GSAP: variants seen among roughly 807,000 people sequenced by gnomAD.
GSAP encodes gamma-secretase activating protein, also known as gamma-secretase-activating protein.
In GSAP, 118 loss-of-function variants were observed where a neutral mutation model predicts 131.7. That is an observed-to-expected ratio of 0.90 (90% CI 0.77 to 1.04). GSAP has a LOEUF of 1.04. Ranked by LOEUF, GSAP falls within the 50% of genes least tolerant of loss-of-function variation. GSAP has a pLI of 0.00. For synonymous variants in GSAP, 381 were observed against 363.4 expected (o/e 1.05, Z -0.55); for missense variants, 1,019 against 1,013.2 (o/e 1.01, Z -0.08).
chr7:77,375,810 C>T (rs7796618), intron 10 of GSAP, among the ~76,000 whole-genome samples: 28,707 of 149,994 alleles, frequency 0.19, 3,134 homozygotes, highest in African/African-American at 0.3. Context: ...TGCCACTGCA[C>T]TCCAGCCAGG....
intron 19 of GSAP, among the ~76,000 whole-genome samples, chr7:77,336,542 A>G (rs1032187472): frequency 6.6e-6 from 1 of 151,814 alleles, no homozygotes; most frequent in Non-Finnish European, 1.5e-5. Context: ...CTGGAGTGCA[A>G]TGGCGCAATC....
At chr7:77,356,582 A>T (rs1272882389) in intron 14 of GSAP, among the ~76,000 whole-genome samples, 7 of 152,214 alleles carry the variant, frequency 4.6e-5, no homozygotes, top group Admixed American at 4.6e-4. Context: ...CTTGCATATC[A>T]AGCTGACTAG....
In GSAP at chr7:77,323,701, CT is replaced by C. The variant is rs772730295; in HGVS notation, c.1868del (p.Gln623ArgfsTer3). 6.2e-7 allele frequency: 1 copy of C among 1,606,158 alleles called. No individual in the cohort carries two copies. The highest frequency in any genetic ancestry group is 2.2e-5 in the East Asian group (1 of 44,668). On this transcript the variant is annotated frameshift_variant, in exon 24 of 31. Coordinates refer to ENST00000257626, the MANE Select transcript of GSAP (RefSeq NM_017439.4). LOFTEE classifies it high-confidence loss of function. ...ELKDHFLRHLQGVEKKKIEQM... is the reference protein window; with the variant it reads ...ELKDHFLRHLXGVEKKKIEQM... ...GTTCAATTTTCTTCTTTTCTACACC[CT>C]GTAGGTGTCTCAAAAAATGGTCTTT...
Position 77,382,648 on chromosome 7 carries a change from A to C in GSAP, c.457-5T>G, listed in dbSNP as rs762591332. On this transcript the variant is annotated splice_region_variant and splice_polypyrimidine_tract_variant and intron_variant, in intron 6 of 30. Coordinates refer to ENST00000257626, the MANE Select transcript of GSAP (RefSeq NM_017439.4). ...TTCAATATGTGGGTAGAGAAACTGT[A>C]AAAAAGAAATTAATCATAATTGTAA... is the stretch of plus-strand genomic sequence containing the variant. 1.3e-6 allele frequency: 2 copies of C among 1,482,378 alleles called. No individual in the cohort carries two copies. Among genetic ancestry groups the C allele is most frequent in the Non-Finnish European group, 1.9e-6 (2 of 1,060,354 alleles). 91.8% of individuals were successfully genotyped at this position (1,482,378 alleles called of 1,614,324 possible).
chr7:77,368,781 G>A (rs1443863870), intron 12 of GSAP, among the ~76,000 whole-genome samples: 1 of 152,168 alleles, frequency 6.6e-6, no homozygotes, highest in Non-Finnish European at 1.5e-5. Context: ...AATTAAATAA[G>A]ATACTGTGTA....
rs772593253 is a variant in GSAP at position 77,311,955 on chromosome 7, A to G, written c.2374-15T>C. On this transcript the variant is annotated splice_polypyrimidine_tract_variant and intron_variant, in intron 29 of 30. Transcript: ENST00000257626. ...GAATTCCGAGGCTAAAAGGGAAACC[A>G]CTTCTGGTGTAAGCTGATTCTCCAC... The G allele has an allele frequency of 1.7e-5, 25 of 1,457,924 alleles. No homozygotes were observed. The highest frequency in any genetic ancestry group is 2.3e-5 in the Non-Finnish European group (24 of 1,037,842). The allele number at this position is 1,457,924 out of a possible 1,614,324, so 90.3% of individuals were successfully genotyped here. A position where few individuals can be genotyped will look rare whatever the true frequency, so the allele number is the denominator to read the frequency against.
At chr7:77,381,795 G>A (rs1200304655) in intron 7 of GSAP, among the ~76,000 whole-genome samples, 2 of 151,928 alleles carry the variant, frequency 1.3e-5, no homozygotes, top group Non-Finnish European at 2.9e-5. Context: ...TTTTGGGGAA[G>A]CATTTTAATA....
chr7:77,332,569 T>C (rs940763602), intron 19 of GSAP, among the ~76,000 whole-genome samples: 7 of 152,172 alleles, frequency 4.6e-5, no homozygotes, highest in Non-Finnish European at 1.0e-4. Context: ...TGAGCGCTCT[T>C]CTGGGTAGAT....
chr7:77,314,136 T>C (rs1015574232), intron 27 of GSAP, among the ~76,000 whole-genome samples: 3 of 152,188 alleles, frequency 2.0e-5, no homozygotes, highest in Non-Finnish European at 4.4e-5. Flanking sequence ...GGGAATGGAT[T>C]GTGCTCACAG....
At chr7:77,392,285 T>A (rs552738594) in intron 5 of GSAP, among the ~76,000 whole-genome samples, 1 of 150,360 alleles carries the variant, frequency 6.7e-6, no homozygotes, top group East Asian at 2.0e-4. Flanking sequence ...CAGTGGCTCA[T>A]GCCTGTAATC....
At chr7:77,320,056 GAT>G (rs1437851748) in intron 26 of GSAP, among the ~76,000 whole-genome samples, 2 of 152,150 alleles carry the variant, frequency 1.3e-5, no homozygotes, top group African/African-American at 4.8e-5. Context: ...AAAATGAACT[GAT>G]ATGTAATGAG....
chr7:77,385,814 T>C (rs1161295902), intron 6 of GSAP, among the ~76,000 whole-genome samples: 2 of 151,978 alleles, frequency 1.3e-5, no homozygotes, highest in Non-Finnish European at 2.9e-5. Context: ...GGGAGGCCCA[T>C]AGGGTGGAGG....
At chr7:77,327,793 T>G (rs1191567547) in intron 22 of GSAP, among the ~76,000 whole-genome samples, 1 of 152,126 alleles carries the variant, frequency 6.6e-6, no homozygotes, top group African/African-American at 2.4e-5. Flanking sequence ...GTCAGCCCTC[T>G]GGGGAGCCTC....
At chr7:77,362,542 A>C (rs1438885392) in intron 13 of GSAP, 41 bp downstream of exon 13, 1 of 1,080,130 alleles carries the variant, frequency 9.3e-7, no homozygotes, top group Non-Finnish European at 1.4e-6. Flanking sequence ...TATTTGGAAA[A>C]AGTTATTATG....
At chr7:77,412,382 A>G (rs1251442413) in intron 1 of GSAP, among the ~76,000 whole-genome samples, 1 of 152,218 alleles carries the variant, frequency 6.6e-6, no homozygotes, top group African/African-American at 2.4e-5. Context: ...GTGGATTAAA[A>G]TCAAAAGGTG....
intron 5 of GSAP, among the ~76,000 whole-genome samples, chr7:77,390,960 A>T (rs1799390651): frequency 3.5e-5 from 4 of 114,586 alleles, no homozygotes; most frequent in African/African-American, 1.3e-4. Context: ...AAAAAAAAAA[A>T]AAAAAAAAAA....
intron 14 of GSAP, among the ~76,000 whole-genome samples, chr7:77,355,918 G>A (rs977032881): frequency 3.3e-5 from 5 of 150,526 alleles, no homozygotes; most frequent in Non-Finnish European, 7.4e-5. Context: ...AGCCTCCCAA[G>A]TAGCTGGGAC....
intron 23 of GSAP, among the ~76,000 whole-genome samples, chr7:77,324,670 G>C (rs1788083814): frequency 6.6e-6 from 1 of 151,968 alleles, no homozygotes; most frequent in African/African-American, 2.4e-5. Context: ...GTAATACATA[G>C]TGCATACTTC....
Position 77,374,092 on chromosome 7 carries a change from C to G in GSAP, c.849G>C (p.Leu283=). 1.3e-6 allele frequency: 2 copies of G among 1,580,184 alleles called. No homozygotes were observed. The highest frequency in any genetic ancestry group is 1.7e-6 in the Non-Finnish European group (2 of 1,152,432). ...YRDKFSKHLT[L]CVFTNHTGSL... Reference sequence around the variant, plus strand: ...TACCTGTATGGTTGGTAAAAACACACAGAGTCAGGTGTTTGGAAAATTTAT... The same window carrying G: ...TACCTGTATGGTTGGTAAAAACACAGAGAGTCAGGTGTTTGGAAAATTTAT... Residue 283 remains leucine, a synonymous_variant, in exon 12 of 31, where the codon CTG becomes CTC. Transcript: ENST00000257626.
Sources: gnomAD v4.1 joint callset for allele counts (sites outside exome capture counted in the v4.1 genomes callset) on GRCh38, gnomAD v4.1.1 for gene constraint, MANE v1.5 for transcripts, NCBI Gene and HGNC (gene_info 2026-07-23, HGNC 2026-07-21) for gene names.